The following PTPRC variants were observed in gnomAD, a reference collection of about 807,000 sequenced individuals.
The protein encoded by PTPRC is receptor-type tyrosine-protein phosphatase C.
In PTPRC, 44 loss-of-function variants were observed where a neutral mutation model predicts 155.9. That is an observed-to-expected ratio of 0.28 (90% CI 0.22 to 0.36). The LOEUF (loss-of-function observed/expected upper bound fraction) is 0.36. Ranked by LOEUF, PTPRC falls within the 10% of genes least tolerant of loss-of-function variation. The pLI is 1.00. For missense variants in PTPRC, 1,401 were observed against 1,564.6 expected (o/e 0.90, Z 1.76); for synonymous variants, 525 against 533.1 (o/e 0.98, Z 0.21).
rs1342798273 is a variant in PTPRC at position 198,722,462 on chromosome 1, A to G, written c.1706A>G (p.His569Arg). 4 of 1,465,658 alleles carry G rather than the reference A, an allele frequency of 2.7e-6. No individual in the cohort carries two copies. The East Asian group carries it at 7.7e-5, about 28-fold the overall frequency. 90.8% of individuals were successfully genotyped at this position (1,465,658 alleles called of 1,614,324 possible). A position where few individuals can be genotyped will look rare whatever the true frequency, so the allele number is the denominator to read the frequency against. Reference sequence around the variant, plus strand: ...TATCCTGGAGAACCCTTTATTTTACATCATTCAACATCTTGTAAGTTATCA... The same window carrying G: ...TATCCTGGAGAACCCTTTATTTTACGTCATTCAACATCTTGTAAGTTATCA... ...GDYPGEPFILHHSTSYNSKAL... is the reference protein window; with the variant it reads ...GDYPGEPFILRHSTSYNSKAL... Residue 569 changes from histidine (H) to arginine (R), a missense_variant, in exon 15 of 33, where the codon CAT becomes CGT. Physicochemically the swap from His to Arg is conservative, Grantham distance 29. This residue lies in a region of PTPRC where 867 missense variants were observed against 970.4 expected (regional missense o/e 0.89). Transcript: ENST00000442510.
At chr1:198,698,137 C>T (rs1666292396) in intron 4 of PTPRC, among the ~76,000 whole-genome samples, 1 of 152,148 alleles carries the variant, frequency 6.6e-6, no homozygotes, top group African/African-American at 2.4e-5. Flanking sequence ...CTGTATTTCA[C>T]GTCACATGCA....
intron 2 of PTPRC, among the ~76,000 whole-genome samples, chr1:198,653,399 A>G (rs1381001085): frequency 6.6e-6 from 1 of 151,874 alleles, no homozygotes; most frequent in African/African-American, 2.4e-5. Context: ...TTAGTTTCTC[A>G]TTTGGTTTTT....
At chr1:198,707,038 T>C in intron 9 of PTPRC, 86 bp downstream of exon 9, 1 of 1,135,206 alleles carries the variant, frequency 8.8e-7, no homozygotes, top group Non-Finnish European at 1.3e-6. Flanking sequence ...CAGGAGCTAG[T>C]CTGGTGAGAG....
intron 29 of PTPRC, 104 bp downstream of exon 29, chr1:198,750,730 C>A: frequency 7.2e-7 from 1 of 1,395,706 alleles, no homozygotes; most frequent in Non-Finnish European, 1.0e-6. Flanking sequence ...TTTTTTTATC[C>A]CTCCATCACA....
At chr1:198,668,726 A>G (rs1664469188) in intron 2 of PTPRC, among the ~76,000 whole-genome samples, 2 of 152,250 alleles carry the variant, frequency 1.3e-5, no homozygotes, top group African/African-American at 4.8e-5. Flanking sequence ...TAGGTTCTGT[A>G]TAAGGAAAGG....
At chr1:198,712,508 T>C (rs1340666807) in intron 11 of PTPRC, among the ~76,000 whole-genome samples, 1 of 152,236 alleles carries the variant, frequency 6.6e-6, no homozygotes, top group Non-Finnish European at 1.5e-5. Context: ...TCAGACATTT[T>C]ATTTAAACAT....
At chr1:198,700,596 C>T (rs1306709841) in intron 5 of PTPRC, among the ~76,000 whole-genome samples, 1 of 152,122 alleles carries the variant, frequency 6.6e-6, no homozygotes, top group Non-Finnish European at 1.5e-5. Flanking sequence ...ATGGGAACCA[C>T]AATAAAAATA....
intron 2 of PTPRC, among the ~76,000 whole-genome samples, chr1:198,648,928 T>G (rs1472614150): frequency 6.6e-6 from 1 of 151,754 alleles, no homozygotes; most frequent in African/African-American, 2.4e-5. Context: ...TTTTTTTTGT[T>G]TTTGAAGTGC....
intron 9 of PTPRC, among the ~76,000 whole-genome samples, chr1:198,707,433 A>T (rs1013158551): frequency 1.1e-4 from 17 of 152,196 alleles, no homozygotes; most frequent in African/African-American, 3.4e-4. Context: ...TTGTCAGCTA[A>T]GCTACTGCTT....
chr1:198,739,852 T>TAAA (rs141418006), intron 23 of PTPRC, among the ~76,000 whole-genome samples: 10 of 151,340 alleles, frequency 6.6e-5, no homozygotes, highest in African/African-American at 2.2e-4. Context: ...CTTACAAAAT[T>TAAA]AAAAAAAAAT....
chr1:198,682,913 CCATTTTGATGGTTATA>C (rs2102336988), intron 2 of PTPRC, among the ~76,000 whole-genome samples: 1 of 152,150 alleles, frequency 6.6e-6, no homozygotes, highest in South Asian at 2.1e-4. Context: ...ACTCTGAATC[CCATTTTGATGGTTATA>C]CATAATATTT....
intron 2 of PTPRC, among the ~76,000 whole-genome samples, chr1:198,661,626 A>C (rs1663971985): frequency 6.6e-6 from 1 of 152,044 alleles, no homozygotes; most frequent in African/African-American, 2.4e-5. Flanking sequence ...ATAACACTTA[A>C]TTAATATTAT....
chr1:198,673,763 A>G (rs991597684), intron 2 of PTPRC, among the ~76,000 whole-genome samples: 8 of 152,174 alleles, frequency 5.3e-5, no homozygotes, highest in Admixed American at 2.0e-4. Flanking sequence ...ATACACTCTC[A>G]AAGTGAAACA....
chr1:198,652,568 CTTTT>C (rs373397106), intron 2 of PTPRC, among the ~76,000 whole-genome samples: 1 of 146,186 alleles, frequency 6.8e-6, no homozygotes, highest in Admixed American at 6.8e-5. Context: ...AAATATTACC[CTTTT>C]TTTTTTTTGG....
intron 2 of PTPRC, among the ~76,000 whole-genome samples, chr1:198,646,735 G>A (rs2102195702): frequency 6.6e-6 from 1 of 151,938 alleles, no homozygotes; most frequent in East Asian, 1.9e-4. Flanking sequence ...GAATTATTAT[G>A]TTTGAATTCT....
intron 17 of PTPRC, among the ~76,000 whole-genome samples, chr1:198,730,677 G>A (rs1303667476): frequency 2.6e-5 from 4 of 152,072 alleles, no homozygotes; most frequent in Non-Finnish European, 5.9e-5. Flanking sequence ...TTGCACCTTG[G>A]AACGCAGTAG....
intron 5 of PTPRC, among the ~76,000 whole-genome samples, chr1:198,700,830 C>CCA (rs1257164896): frequency 6.6e-6 from 1 of 152,150 alleles, no homozygotes; most frequent in Non-Finnish European, 1.5e-5. Context: ...ATAACCACCA[C>CCA]TGAGAGTACC....
chr1:198,752,506 G>T, intron 30 of PTPRC, 88 bp from the exon 31 acceptor site: 2 of 1,518,544 alleles, frequency 1.3e-6, no homozygotes, highest in Non-Finnish European at 1.8e-6. Context: ...TATTTAAATA[G>T]AAGTAACTGT....
intron 29 of PTPRC, 102 bp from the exon 30 acceptor site, chr1:198,752,147 G>T: frequency 7.5e-7 from 1 of 1,326,074 alleles, no homozygotes; most frequent in Non-Finnish European, 1.1e-6. Context: ...TCATTTAATA[G>T]AAAAGAGGCA....
Sources: allele counts gnomAD v4.1 joint callset (sites outside exome capture counted in the v4.1 genomes callset), GRCh38; gene constraint gnomAD v4.1.1; regional missense constraint gnomAD v4.1.1; transcripts MANE v1.5; gene names NCBI Gene and HGNC (gene_info 2026-07-23, HGNC 2026-07-21).